Variants in PAK3 observed in about 807,000 individuals in gnomAD.
PAK3 encodes serine/threonine-protein kinase PAK 3.
In PAK3, 4 loss-of-function variants were observed where a neutral mutation model predicts 41.0. The ratio of observed to expected loss-of-function variants is 0.10; its 90% CI spans 0.05 to 0.22. PAK3 has a LOEUF of 0.22. PAK3 is among the 10% of genes least tolerant of loss of function. PAK3 has a pLI of 1.00. For synonymous variants in PAK3, 146 were observed against 139.6 expected (o/e 1.05, Z -0.32); for missense variants, 205 against 409.9 (o/e 0.50, Z 4.32).
chrX:110,974,751 G>T (rs769679959), intron 1 of PAK3, among the ~76,000 whole-genome samples: 3 of 111,707 alleles, frequency 2.7e-5, no homozygotes, highest in African/African-American at 9.8e-5. Flanking sequence ...ACATCAAAAA[G>T]CTTATCCACC....
intron 5 of PAK3, among the ~76,000 whole-genome samples, chrX:111,138,989 A>AAC (rs368706435): frequency 0.024 from 2,569 of 107,089 alleles, 31 homozygotes; most frequent in Middle Eastern, 0.043. Flanking sequence ...AACAAACAAC[A>AAC]ACACACACAC....
intron 8 of PAK3, among the ~76,000 whole-genome samples, chrX:111,160,101 C>T (rs371203853): frequency 1.8e-5 from 2 of 111,316 alleles, no homozygotes. Flanking sequence ...AATTCATTGT[C>T]GGATTATGTT....
intron 17 of PAK3, among the ~76,000 whole-genome samples, chrX:111,219,427 G>A (rs1190088603): frequency 9.1e-6 from 1 of 110,047 alleles, no homozygotes; most frequent in East Asian, 2.8e-4. Flanking sequence ...ACAAGGGATT[G>A]CCACTTACCT....
chrX:111,152,643 C>T (rs1223505920), intron 8 of PAK3, 196 bp downstream of exon 8: 1 of 350,759 alleles, frequency 2.9e-6, no homozygotes, highest in Non-Finnish European at 5.1e-6. Flanking sequence ...CCTATGCTAC[C>T]ATCACCACAA....
At chrX:111,098,200 T>G (rs1410797803) in intron 3 of PAK3, among the ~76,000 whole-genome samples, 1 of 110,231 alleles carries the variant, frequency 9.1e-6, no homozygotes, top group Non-Finnish European at 1.9e-5. Flanking sequence ...GGGTGAGTGG[T>G]GGACATACCA....
At chrX:111,035,148 A>G (rs1418599245) in intron 1 of PAK3, among the ~76,000 whole-genome samples, 3 of 32,902 alleles carry the variant, frequency 9.1e-5, no homozygotes, top group African/African-American at 1.0e-4. Context: ...AGAAAGAAAG[A>G]AAGAAAGGAA....
At chrX:111,040,158 G>A (rs1344347059) in intron 1 of PAK3, among the ~76,000 whole-genome samples, 3 of 110,913 alleles carry the variant, frequency 2.7e-5, no homozygotes, top group Non-Finnish European at 3.8e-5. Flanking sequence ...CCTTGGAATC[G>A]GAGAGACTTG....
At chrX:111,073,882 C>T (rs982531775) in intron 1 of PAK3, among the ~76,000 whole-genome samples, 32 of 111,988 alleles carry the variant, frequency 2.9e-4, no homozygotes, top group African/African-American at 9.7e-4. Flanking sequence ...ATACCAAAAA[C>T]TGACAAAGAC....
intron 16 of PAK3, among the ~76,000 whole-genome samples, chrX:111,214,492 G>A (rs2094855596): frequency 1.8e-5 from 2 of 111,869 alleles, no homozygotes; most frequent in Non-Finnish European, 3.8e-5. Flanking sequence ...TTAATTACTT[G>A]GGTGGATTAA....
At chrX:110,998,516 G>T (rs888558778) in intron 1 of PAK3, among the ~76,000 whole-genome samples, 1 of 112,207 alleles carries the variant, frequency 8.9e-6, no homozygotes, top group African/African-American at 3.2e-5. Context: ...GAGACAATTT[G>T]GAGATTATAA....
At chrX:111,117,258 A>G (rs898859049) in intron 4 of PAK3, among the ~76,000 whole-genome samples, 1 of 111,978 alleles carries the variant, frequency 8.9e-6, no homozygotes, top group Non-Finnish European at 1.9e-5. Context: ...ATAAAAATGT[A>G]TATATGAAGA....
intron 5 of PAK3, among the ~76,000 whole-genome samples, chrX:111,140,943 G>A (rs2093862417): frequency 8.9e-6 from 1 of 112,067 alleles, no homozygotes; most frequent in South Asian, 3.7e-4. Context: ...GTTGAATGTT[G>A]TCTGTAATTC....
intron 1 of PAK3, among the ~76,000 whole-genome samples, chrX:111,006,849 C>CTTTCTTTCTTTCTTTTTTTTT (rs1556434441): frequency 2.3e-5 from 1 of 42,726 alleles, no homozygotes; most frequent in Admixed American, 3.8e-4. Context: ...TTCTTTCTTT[C>CTTTCTTTCTTTCTTTTTTTTT]TTTTTTTTTT....
At chrX:110,991,712 A>T (rs1257022179) in intron 1 of PAK3, among the ~76,000 whole-genome samples, 1 of 112,074 alleles carries the variant, frequency 8.9e-6, no homozygotes, top group East Asian at 2.8e-4. Flanking sequence ...ACTAAGACAC[A>T]TCTTGTTATT....
At chrX:110,978,888 T>C (rs956286465) in intron 1 of PAK3, among the ~76,000 whole-genome samples, 8 of 111,525 alleles carry the variant, frequency 7.2e-5, no homozygotes, top group African/African-American at 2.6e-4. Flanking sequence ...GAAGACATTG[T>C]TGAGAATTGG....
intron 15 of PAK3, among the ~76,000 whole-genome samples, chrX:111,196,229 G>A (rs375282914): frequency 1.3e-4 from 15 of 112,015 alleles, no homozygotes; most frequent in Admixed American, 8.6e-4. Context: ...GAGGGAATTA[G>A]ATTGAAGTCT....
intron 3 of PAK3, among the ~76,000 whole-genome samples, chrX:111,100,030 C>T (rs1156245974): frequency 3.6e-5 from 4 of 109,905 alleles, no homozygotes; most frequent in Non-Finnish European, 7.6e-5. Context: ...TGTGGCTTTA[C>T]TTTTACTTCA....
At chrX:110,987,632 A>T (rs2091568413) in intron 1 of PAK3, among the ~76,000 whole-genome samples, 1 of 111,953 alleles carries the variant, frequency 8.9e-6, no homozygotes, top group Admixed American at 9.4e-5. Context: ...ATGTAGAGAA[A>T]ATAGACCCAC....
At chrX:110,951,116 C>T (rs989516439) in intron 1 of PAK3, among the ~76,000 whole-genome samples, 28 of 111,754 alleles carry the variant, frequency 2.5e-4, no homozygotes, top group African/African-American at 9.1e-4. Context: ...ATATCCCTTG[C>T]CTGTTTTTCT....
Sources: gnomAD v4.1 joint callset for allele counts (sites outside exome capture counted in the v4.1 genomes callset) on GRCh38, gnomAD v4.1.1 for gene constraint, MANE v1.5 for transcripts, NCBI Gene and HGNC (gene_info 2026-07-23, HGNC 2026-07-21) for gene names.